Variants in GNB4 observed in about 807,000 individuals in gnomAD.
GNB4 encodes the protein guanine nucleotide-binding protein subunit beta-4.
A neutral mutation model predicts 45.2 loss-of-function variants in GNB4; 28 were observed. That is an observed-to-expected ratio of 0.62 (90% CI 0.46 to 0.85). The LOEUF (loss-of-function observed/expected upper bound fraction) is 0.85, where lower values mean the gene tolerates loss of function less well. Among genes scored for constraint, GNB4 ranks in the 40% least tolerant of loss-of-function variants. GNB4 has a pLI of 0.00. For missense variants in GNB4, 321 were observed against 425.4 expected (o/e 0.75, Z 2.16); for synonymous variants, 132 against 143.7 (o/e 0.92, Z 0.58).
the GNB4 span, among the ~76,000 whole-genome samples, chr3:179,482,596 T>C: frequency 6.6e-6 from 1 of 152,238 alleles, no homozygotes; most frequent in Non-Finnish European, 1.5e-5. Flanking sequence ...ACATTGAGGC[T>C]GTAGTTCCTC....
chr3:179,416,444 C>T (rs781349836), intron 5 of GNB4, 49 bp downstream of exon 5: 2 of 1,115,700 alleles, frequency 1.8e-6, no homozygotes, highest in African/African-American at 3.2e-5. Context: ...AACTGGTGAA[C>T]AGCCAAACAA....
chr3:179,502,575 C>T, the GNB4 span, among the ~76,000 whole-genome samples: 1 of 152,032 alleles, frequency 6.6e-6, no homozygotes, highest in Admixed American at 6.6e-5. Flanking sequence ...CCGTGAACAA[C>T]ATCATCTTCA....
At chr3:179,414,520 C>A (rs1323648828) in intron 6 of GNB4, among the ~76,000 whole-genome samples, 2 of 152,138 alleles carry the variant, frequency 1.3e-5, no homozygotes, top group African/African-American at 4.8e-5. Flanking sequence ...AAAAGCACTT[C>A]ACTAATGTAC....
chr3:179,401,388 T>C (rs1714296058), intron 9 of GNB4, 69 bp from the exon 10 acceptor site: 5 of 816,046 alleles, frequency 6.1e-6, no homozygotes, highest in South Asian at 5.7e-5. Flanking sequence ...TATGCAGAGA[T>C]TTAAAAGGGT....
intron 1 of GNB4, among the ~76,000 whole-genome samples, chr3:179,435,823 CTAA>C (rs1307999310): frequency 1.3e-5 from 2 of 152,162 alleles, no homozygotes; most frequent in Admixed American, 1.3e-4. Context: ...TCAAAAGATA[CTAA>C]TGAGCCACTG....
chr3:179,455,810 A>G (rs1361411477), upstream of GNB4, among the ~76,000 whole-genome samples: 1 of 152,186 alleles, frequency 6.6e-6, no homozygotes, highest in Non-Finnish European at 1.5e-5. Context: ...TGGCTCAGAT[A>G]GTTTGACTCT....
intron 2 of GNB4, among the ~76,000 whole-genome samples, chr3:179,422,863 G>A (rs1014803180): frequency 1.3e-5 from 2 of 152,084 alleles, no homozygotes; most frequent in Non-Finnish European, 2.9e-5. Context: ...CGCCATCTTG[G>A]CTCACTGCAA....
At chr3:179,519,552 C>T in the GNB4 span, among the ~76,000 whole-genome samples, 2 of 152,196 alleles carry the variant, frequency 1.3e-5, no homozygotes, top group Non-Finnish European at 1.5e-5. Context: ...AACTCTGGTG[C>T]CAACTTGGAC....
Position 179,405,371 on chromosome 3 carries a change from A to G in GNB4, c.735T>C (p.Ser245=), listed in dbSNP as rs1476756035. Residue 245 remains serine, a synonymous_variant, in exon 9 of 10, where the codon TCT becomes TCC. Coordinates refer to ENST00000232564, the MANE Select transcript of GNB4 (RefSeq NM_021629.4). ...FPNGYAFATG[S]DDATCRLFDL... is the part of the protein sequence containing the mutation. ...CAAAGAGCCGGCAAGTGGCATCATC[A>G]GAGCCAGTGGCGAAGGCATATCCAT... The G allele has an allele frequency of 6.2e-7, 1 of 1,613,670 alleles. No homozygotes were observed. Among genetic ancestry groups the G allele is most frequent in the African/African-American group, 1.3e-5 (1 of 74,948 alleles).
In GNB4 at chr3:179,420,892, A is replaced by G; in HGVS notation, c.93T>C (p.Val31=). The G allele has an allele frequency of 6.3e-7, 1 of 1,587,922 alleles. No homozygotes were observed. The highest frequency in any genetic ancestry group is 1.1e-5 in the South Asian group (1 of 88,662). ...ARKACNDATL[V]QITSNMDSVG... is the part of the protein sequence containing the mutation. ...ATAAAGAAAAACAAAACTTTACCTGAACAAGCGTTGCATCATTACATGCTT... is the reference window on the plus strand; with the variant it reads ...ATAAAGAAAAACAAAACTTTACCTGGACAAGCGTTGCATCATTACATGCTT... Residue 31 remains valine, a synonymous_variant, in exon 3 of 10, where the codon GTT becomes GTC. Coordinates refer to ENST00000232564, the MANE Select transcript of GNB4 (RefSeq NM_021629.4).
chr3:179,503,501 G>A, the GNB4 span, among the ~76,000 whole-genome samples: 3 of 152,168 alleles, frequency 2.0e-5, no homozygotes. Context: ...AAGTATGCTG[G>A]TCTTCAATAG....
chr3:179,526,769 CCTCT>C, the GNB4 span, among the ~76,000 whole-genome samples: 1 of 152,184 alleles, frequency 6.6e-6, no homozygotes, highest in African/African-American at 2.4e-5. Context: ...ACAAAATTTT[CCTCT>C]CTCTTTTTCT....
chr3:179,450,111 A>C (rs139127668), intron 1 of GNB4, among the ~76,000 whole-genome samples: 2 of 152,204 alleles, frequency 1.3e-5, no homozygotes, highest in Non-Finnish European at 2.9e-5. Context: ...ATGATATTTT[A>C]AAAGTTTCTA....
chr3:179,460,415 C>T, the GNB4 span, among the ~76,000 whole-genome samples: 2 of 152,022 alleles, frequency 1.3e-5, no homozygotes, highest in African/African-American at 4.8e-5. Flanking sequence ...AGAGACTGAC[C>T]CTAGGGCAGC....
At chr3:179,460,292 A>C in the GNB4 span, among the ~76,000 whole-genome samples, 1 of 152,194 alleles carries the variant, frequency 6.6e-6, no homozygotes, top group Non-Finnish European at 1.5e-5. Context: ...CACTTTGGCA[A>C]AGAAAATTCT....
the GNB4 span, among the ~76,000 whole-genome samples, chr3:179,475,563 C>T: frequency 6.6e-6 from 1 of 152,124 alleles, no homozygotes; most frequent in Non-Finnish European, 1.5e-5. Context: ...ATCTCTGCCT[C>T]CTGGGTTCAA....
the GNB4 span, among the ~76,000 whole-genome samples, chr3:179,508,529 T>A: frequency 6.6e-6 from 1 of 152,324 alleles, no homozygotes; most frequent in East Asian, 1.9e-4. Context: ...CCAATAAAAA[T>A]GCAGATGGAA....
chr3:179,492,249 A>G, the GNB4 span, among the ~76,000 whole-genome samples: 1 of 152,172 alleles, frequency 6.6e-6, no homozygotes, highest in African/African-American at 2.4e-5. Context: ...GTCTTCACAG[A>G]TGCTGAACCC....
intron 3 of GNB4, among the ~76,000 whole-genome samples, chr3:179,419,933 TA>T (rs1222995863): frequency 6.6e-6 from 1 of 152,002 alleles, no homozygotes; most frequent in Non-Finnish European, 1.5e-5. Context: ...CAATATTAAT[TA>T]AACATGAAGC....
Sources: gnomAD v4.1 joint callset for allele counts (sites outside exome capture counted in the v4.1 genomes callset) on GRCh38, gnomAD v4.1.1 for gene constraint, MANE v1.5 for transcripts, NCBI Gene and HGNC (gene_info 2026-07-23, HGNC 2026-07-21) for gene names.